The following SCTR variants were observed in gnomAD, a reference collection of about 807,000 sequenced individuals.
SCTR encodes secretin receptor.
A neutral mutation model predicts 60.8 loss-of-function variants in SCTR; 56 were observed. That is an observed-to-expected ratio of 0.92 (90% confidence interval 0.74 to 1.15). SCTR has a LOEUF of 1.15. Among genes scored for constraint, SCTR ranks in the 50% most tolerant of loss-of-function variants. SCTR has a pLI of 0.00. For missense variants in SCTR, 562 were observed against 550.4 expected, an observed-to-expected ratio of 1.02 and a Z score of -0.21; for synonymous variants, 202 against 217.0, an observed-to-expected ratio of 0.93 and a Z score of 0.61.
At chr2:119,502,137 TCCCA>T (rs1241453304) in intron 1 of SCTR, among the ~76,000 whole-genome samples, 1 of 152,082 alleles carries the variant, frequency 6.6e-6, no homozygotes, top group Non-Finnish European at 1.5e-5. Context: ...GAGCCCGTAG[TCCCA>T]GATACTTGGA....
chr2:119,521,151 C>T (rs1679274995), intron 1 of SCTR, among the ~76,000 whole-genome samples: 1 of 152,190 alleles, frequency 6.6e-6, no homozygotes, highest in Non-Finnish European at 1.5e-5. Context: ...GCCCCACACA[C>T]CTCACTTAAC....
chr2:119,460,148 C>G (rs1325074961), intron 7 of SCTR, among the ~76,000 whole-genome samples: 1 of 151,578 alleles, frequency 6.6e-6, no homozygotes, highest in Non-Finnish European at 1.5e-5. Context: ...CAGGCAGCTC[C>G]CCTGATCGGG....
chr2:119,492,936 C>A (rs1430185499), intron 2 of SCTR, among the ~76,000 whole-genome samples: 3 of 151,938 alleles, frequency 2.0e-5, no homozygotes, highest in Non-Finnish European at 4.4e-5. Flanking sequence ...ATGATCTCTG[C>A]AGCCTCTACC....
At chr2:119,440,377 T>C (rs539988398) in intron 12 of SCTR, 120 bp from the exon 13 acceptor site, 1 of 1,146,952 alleles carries the variant, frequency 8.7e-7, no homozygotes, top group South Asian at 1.6e-5. Context: ...CCCTGTCCCC[T>C]AGCCTGCAGG....
intron 2 of SCTR, among the ~76,000 whole-genome samples, chr2:119,480,306 A>C (rs773403714): frequency 6.6e-6 from 1 of 152,222 alleles, no homozygotes; most frequent in South Asian, 2.1e-4. Flanking sequence ...GTGGAAGACG[A>C]AGAAAGAGCA....
At chr2:119,492,415 G>GA (rs1423873743) in intron 2 of SCTR, among the ~76,000 whole-genome samples, 1 of 152,198 alleles carries the variant, frequency 6.6e-6, no homozygotes, top group Non-Finnish European at 1.5e-5. Context: ...TTCTTTGAAT[G>GA]AATGCTTTTC....
intron 1 of SCTR, among the ~76,000 whole-genome samples, chr2:119,509,637 CT>C (rs940646279): frequency 3.3e-5 from 5 of 151,980 alleles, no homozygotes; most frequent in African/African-American, 7.3e-5. Flanking sequence ...TCCAACAATT[CT>C]TTTTTTTAAC....
chr2:119,441,878 C>T (rs1467988553), intron 11 of SCTR, among the ~76,000 whole-genome samples: 3 of 152,138 alleles, frequency 2.0e-5, no homozygotes, highest in South Asian at 2.1e-4. Flanking sequence ...CCCAGCCAGC[C>T]GGGATCAGGA....
chr2:119,473,015 T>C (rs185504798), intron 4 of SCTR, among the ~76,000 whole-genome samples: 26 of 152,328 alleles, frequency 1.7e-4, no homozygotes, highest in Admixed American at 1.4e-3. Flanking sequence ...TTGACAAGCC[T>C]ATGTTGTCAG....
intron 4 of SCTR, among the ~76,000 whole-genome samples, chr2:119,470,439 T>C (rs1676958167): frequency 6.6e-6 from 1 of 152,126 alleles, no homozygotes; most frequent in African/African-American, 2.4e-5. Context: ...AATCACGTGG[T>C]CAGGAAACCC....
Position 119,444,928 on chromosome 2 carries a change from C to CAT in SCTR, c.1140+1829_1140+1830dup, listed in dbSNP as rs869090349. Reference sequence around the variant, plus strand: ...ATACATATATTCGTACGAATATACACATATATTCGTACGAATATATATACA... The same window carrying CAT: ...ATACATATATTCGTACGAATATACACATATATATTCGTACGAATATATATACA... On this transcript the variant is annotated intron_variant, in intron 11 of 12. Transcript: ENST00000019103. Among the ~76,000 whole-genome samples the CAT allele has an allele frequency of 3.8e-5, 3 of 79,532 alleles. 1 individual carries two copies. The highest frequency in any genetic ancestry group is 7.5e-5 in the Non-Finnish European group (3 of 39,762). The allele number at this position is 79,532 out of a possible 152,430, so 52.2% of individuals were successfully genotyped here. A position where few individuals can be genotyped will look rare whatever the true frequency, so the allele number is the denominator to read the frequency against.
intron 3 of SCTR, among the ~76,000 whole-genome samples, chr2:119,475,282 C>T (rs937289241): frequency 2.0e-5 from 3 of 152,172 alleles, no homozygotes; most frequent in African/African-American, 7.2e-5. Flanking sequence ...AACACAAATT[C>T]CCCCAAGGCC....
chr2:119,487,350 T>A (rs1344255551), intron 2 of SCTR: 4 of 152,238 alleles, frequency 2.6e-5, no homozygotes, highest in Non-Finnish European at 5.9e-5. Flanking sequence ...ATAAAAAGCC[T>A]GTTTTCCTGG....
rs1159284958 is a variant in SCTR, at chr2:119,465,906, T to C, written c.406-20A>G. 6.3e-7 allele frequency: 1 copy of C among 1,579,738 alleles called. No homozygotes were observed. Among genetic ancestry groups the C allele is most frequent in the African/African-American group, 1.3e-5 (1 of 74,222 alleles). On this transcript the variant is annotated intron_variant, in intron 4 of 12. Transcript: ENST00000019103. ...GGAGTGCTGCAGAGAGAGGCACGTG[T>C]CAGCCCCGCCGGCCCTCCTGGCTAG...
At chr2:119,498,212 C>T (rs55635410) in intron 1 of SCTR, among the ~76,000 whole-genome samples, 10,440 of 152,048 alleles carry the variant, frequency 0.069, 1,158 homozygotes, top group African/African-American at 0.23. Context: ...GAAGATGGCA[C>T]AATATTTTTA....
At chr2:119,521,931 A>G (rs143356244) in intron 1 of SCTR, among the ~76,000 whole-genome samples, 1 of 152,248 alleles carries the variant, frequency 6.6e-6, no homozygotes, top group Non-Finnish European at 1.5e-5. Context: ...GCCGTAAAAT[A>G]ACCCAAGGAC....
At chr2:119,494,311 G>A (rs2104900845) in intron 2 of SCTR, 117 bp downstream of exon 2, 1 of 1,187,972 alleles carries the variant, frequency 8.4e-7, no homozygotes, top group South Asian at 1.5e-5. Flanking sequence ...GTCTGAGTGA[G>A]AAAAGCTGGA....
At chr2:119,463,679 G>T (rs1216889087) in intron 6 of SCTR, among the ~76,000 whole-genome samples, 2 of 152,178 alleles carry the variant, frequency 1.3e-5, no homozygotes, top group Admixed American at 6.5e-5. Context: ...GAGAAAGGGG[G>T]TTAGATTTAA....
intron 4 of SCTR, among the ~76,000 whole-genome samples, chr2:119,468,861 A>G (rs948361606): frequency 1.3e-5 from 2 of 152,168 alleles, no homozygotes; most frequent in Non-Finnish European, 1.5e-5. Flanking sequence ...GAGGGGAAAA[A>G]CACACACTTA....
Sources: gnomAD v4.1 joint callset for allele counts (sites outside exome capture counted in the v4.1 genomes callset) on GRCh38, gnomAD v4.1.1 for gene constraint, MANE v1.5 for transcripts, NCBI Gene and HGNC (gene_info 2026-07-23, HGNC 2026-07-21) for gene names.